CNTN1: variants seen among roughly 807,000 people sequenced by gnomAD.
CNTN1 encodes the protein contactin-1.
CNTN1 carries 38 observed loss-of-function variants against 126.4 expected under a neutral mutation model. The observed-to-expected ratio is 0.30, with a 90% confidence interval of 0.23 to 0.39. The LOEUF is 0.39. Among genes scored for constraint, CNTN1 ranks in the 10% least tolerant of loss-of-function variants. CNTN1 has a pLI of 1.00. For synonymous variants in CNTN1, 413 were observed against 422.6 expected (o/e 0.98, Z 0.28); for missense variants, 1,009 against 1,248.4 (o/e 0.81, Z 2.89).
intron 1 of CNTN1, among the ~76,000 whole-genome samples, chr12:40,866,980 C>T (rs188940194): frequency 4.2e-4 from 63 of 151,634 alleles, no homozygotes; most frequent in African/African-American, 1.5e-3. Context: ...CACTTTTGCC[C>T]CAATCCCAAA....
intron 14 of CNTN1, among the ~76,000 whole-genome samples, chr12:40,954,129 C>T (rs1946781628): frequency 6.6e-6 from 1 of 152,018 alleles, no homozygotes; most frequent in Non-Finnish European, 1.5e-5. Context: ...AACCAAAGTA[C>T]TGAGTTCATT....
At chr12:40,833,182 C>T (rs1941919180) in intron 1 of CNTN1, among the ~76,000 whole-genome samples, 1 of 152,170 alleles carries the variant, frequency 6.6e-6, no homozygotes, top group South Asian at 2.1e-4. Context: ...GCAACCTCCA[C>T]CTCCCAAGTT....
intron 9 of CNTN1, among the ~76,000 whole-genome samples, chr12:40,935,660 A>G (rs1288550119): frequency 6.6e-6 from 1 of 152,072 alleles, no homozygotes; most frequent in Non-Finnish European, 1.5e-5. Flanking sequence ...TGTATACAAA[A>G]TAAAACCTTT....
intron 1 of CNTN1, among the ~76,000 whole-genome samples, chr12:40,805,102 G>GTCAGTGTGACTGTGATGTATCTA (rs1940797015): frequency 6.6e-6 from 1 of 151,614 alleles, no homozygotes; most frequent in Admixed American, 6.6e-5. Flanking sequence ...TTTTATTTTC[G>GTCAGTGTGACTGTGATGTATCTA]TCAGTGTGAC....
chr12:41,026,181 T>TA (rs1949034245), intron 21 of CNTN1, among the ~76,000 whole-genome samples: 1 of 152,200 alleles, frequency 6.6e-6, no homozygotes, highest in Admixed American at 6.5e-5. Context: ...TTTGTTCTTT[T>TA]TCCATTTGTT....
At chr12:40,995,414 A>G (rs1008176980) in intron 17 of CNTN1, among the ~76,000 whole-genome samples, 1 of 151,880 alleles carries the variant, frequency 6.6e-6, no homozygotes, top group Non-Finnish European at 1.5e-5. Context: ...TTTTTTTGAT[A>G]TAGGGAATAA....
intron 14 of CNTN1, among the ~76,000 whole-genome samples, chr12:40,950,772 G>T (rs1946644246): frequency 6.6e-6 from 1 of 151,978 alleles, no homozygotes; most frequent in Non-Finnish European, 1.5e-5. Flanking sequence ...TATGTTCCTG[G>T]GTGTGTTTTC....
rs183011432 is a variant in CNTN1, at chr12:40,977,187, G to A, written c.1805-3722G>A. Among the ~76,000 whole-genome samples the A allele has an allele frequency of 3.8e-3, 583 of 152,170 alleles. 3 individuals are homozygous for A. Among genetic ancestry groups the A allele is most frequent in the African/African-American group, 0.013 (546 of 41,520 alleles). On this transcript the variant is annotated intron_variant, in intron 15 of 23. Coordinates refer to ENST00000551295, the MANE Select transcript of CNTN1 (RefSeq NM_001843.4). ...CTTCCAGATCAGAGGTAGATTTAAG[G>A]ATTTTCTGATTGGCAATTGGTTGAA...
chr12:40,770,104 G>A (rs1163417879), intron 1 of CNTN1, among the ~76,000 whole-genome samples: 11 of 152,074 alleles, frequency 7.2e-5, no homozygotes, highest in African/African-American at 2.7e-4. Context: ...CCTTAGTCAT[G>A]CCAAGCTTTG....
intron 9 of CNTN1, 77 bp from the exon 10 acceptor site, chr12:40,936,704 T>C (rs2136929105): frequency 3.8e-6 from 6 of 1,562,510 alleles, no homozygotes; most frequent in Non-Finnish European, 5.3e-6. Flanking sequence ...GTTAACTAAA[T>C]GTAATATTTA....
At chr12:40,918,806 G>C (rs1024239947) in intron 4 of CNTN1, 35 bp downstream of exon 4, 2 of 1,611,492 alleles carry the variant, frequency 1.2e-6, no homozygotes, top group Non-Finnish European at 8.5e-7. Flanking sequence ...AGAGTGGAGT[G>C]TCAGAGTAAT....
At chr12:40,853,394 C>A (rs1230150509) in intron 1 of CNTN1, among the ~76,000 whole-genome samples, 1 of 152,086 alleles carries the variant, frequency 6.6e-6, no homozygotes, top group African/African-American at 2.4e-5. Context: ...GAGACCAAGA[C>A]TGGATTTTTG....
intron 14 of CNTN1, among the ~76,000 whole-genome samples, chr12:40,948,019 C>T (rs754391319): frequency 5.5e-4 from 83 of 151,698 alleles, no homozygotes; most frequent in Non-Finnish European, 1.1e-3. Context: ...ATTCTCTAAG[C>T]CTCAGAATTT....
intron 1 of CNTN1, among the ~76,000 whole-genome samples, chr12:40,904,973 C>T (rs1252155288): frequency 6.6e-6 from 1 of 152,174 alleles, no homozygotes; most frequent in African/African-American, 2.4e-5. Context: ...TTATGCAAAC[C>T]TTGCAATTGT....
At chr12:40,923,278 G>T (rs1043859503) in intron 5 of CNTN1, among the ~76,000 whole-genome samples, 8 of 152,060 alleles carry the variant, frequency 5.3e-5, no homozygotes, top group African/African-American at 9.7e-5. Flanking sequence ...AAAATTAGAG[G>T]TTGTTTTGAA....
At chr12:41,027,389 T>C (rs1949057783) in intron 21 of CNTN1, among the ~76,000 whole-genome samples, 1 of 151,950 alleles carries the variant, frequency 6.6e-6, no homozygotes, top group South Asian at 2.1e-4. Context: ...CAGCTAAGCA[T>C]GAATAATGGG....
chr12:40,836,678 CTATT>C (rs1339427362), intron 1 of CNTN1, among the ~76,000 whole-genome samples: 1 of 152,062 alleles, frequency 6.6e-6, no homozygotes, highest in African/African-American at 2.4e-5. Flanking sequence ...AGTTTTTAAA[CTATT>C]TAAGTATTTG....
At chr12:40,881,675 C>A (rs1219199934) in intron 1 of CNTN1, among the ~76,000 whole-genome samples, 2 of 151,774 alleles carry the variant, frequency 1.3e-5, no homozygotes, top group African/African-American at 4.8e-5. Context: ...TAGATAAGGG[C>A]TTTGCAGCTA....
chr12:40,974,492 AGT>A (rs1947618023), intron 15 of CNTN1, among the ~76,000 whole-genome samples: 1 of 152,146 alleles, frequency 6.6e-6, no homozygotes, highest in Non-Finnish European at 1.5e-5. Context: ...AGTATGTTAC[AGT>A]TTTTGTCATA....
Sources: gnomAD v4.1 joint callset for allele counts (sites outside exome capture counted in the v4.1 genomes callset) on GRCh38, gnomAD v4.1.1 for gene constraint, MANE v1.5 for transcripts, NCBI Gene and HGNC (gene_info 2026-07-23, HGNC 2026-07-21) for gene names.